The following DYNC2H1 variants were observed in gnomAD, a reference collection of about 807,000 sequenced individuals.
DYNC2H1 encodes the protein dynein cytoplasmic 2 heavy chain 1, also known as cytoplasmic dynein 2 heavy chain 1.
In DYNC2H1, 410 loss-of-function variants were observed where a neutral mutation model predicts 570.0. That is an observed-to-expected ratio of 0.72 (90% CI 0.66 to 0.78). The LOEUF (loss-of-function observed/expected upper bound fraction) is 0.78. Ranked by LOEUF, DYNC2H1 falls within the 30% of genes least tolerant of loss-of-function variation. DYNC2H1 has a pLI of 0.00. For missense variants in DYNC2H1, 4,865 were observed against 5,046.4 expected (o/e 0.96, Z 1.09); for synonymous variants, 1,688 against 1,677.6 (o/e 1.01, Z -0.15).
At chr11:103,424,935 TTTC>T (rs1222976239) in intron 84 of DYNC2H1, among the ~76,000 whole-genome samples, 3 of 152,146 alleles carry the variant, frequency 2.0e-5, no homozygotes, top group Admixed American at 6.6e-5. Context: ...TGAACACAGA[TTTC>T]TTGTTTTGTT....
At chr11:103,436,995 C>T (rs923991414) in intron 85 of DYNC2H1, among the ~76,000 whole-genome samples, 7 of 152,098 alleles carry the variant, frequency 4.6e-5, no homozygotes, top group African/African-American at 1.4e-4. Context: ...GCTACCGAAA[C>T]TTCAGATACA....
rs1468120613 is a variant in DYNC2H1, at chr11:103,253,504, T to G, written c.10206+56T>G. The G allele has an allele frequency of 2.0e-6, 3 of 1,475,730 alleles. No individual in the cohort carries two copies. In the East Asian group the frequency reaches 6.9e-5, roughly 34 times the overall value. The allele number at this position is 1,475,730 out of a possible 1,614,324, so 91.4% of individuals were successfully genotyped here. ...AATCTTTTCGAGCTTTATATACCTA[T>G]TAGACATTGTGAGTGAGAAGCTATT... On this transcript the variant is annotated intron_variant, in intron 66 of 88. Transcript: ENST00000375735.
At chr11:103,137,619 G>C (rs1164642184) in intron 17 of DYNC2H1, among the ~76,000 whole-genome samples, 3 of 152,010 alleles carry the variant, frequency 2.0e-5, no homozygotes, top group Non-Finnish European at 1.5e-5. Context: ...ATGTTGTTTT[G>C]GTTACTGTAG....
intron 84 of DYNC2H1, among the ~76,000 whole-genome samples, chr11:103,416,429 A>G (rs983808898): frequency 6.6e-6 from 1 of 152,240 alleles, no homozygotes; most frequent in African/African-American, 2.4e-5. Context: ...CTGACTTCAA[A>G]CTATACTACA....
In DYNC2H1 at chr11:103,205,071, C is replaced by A; in HGVS notation, c.8454+107C>A. ...GGTTATAACATCACCTTAATTATGG[C>A]ACCAAACATCTCTTATGTTTGGAAA... On this transcript the variant is annotated intron_variant, in intron 52 of 88. Coordinates refer to ENST00000375735, the MANE Select transcript of DYNC2H1 (RefSeq NM_001377.3). The surrounding 1 kb of genome is among the most constrained non-coding windows in gnomAD (Gnocchi z 4.5). 1 of 947,448 alleles carries A rather than the reference C, an allele frequency of 1.1e-6. No individual in the cohort carries two copies. The highest frequency in any genetic ancestry group is 1.5e-6 in the Non-Finnish European group (1 of 654,942). 58.7% of individuals were successfully genotyped at this position (947,448 alleles called of 1,614,324 possible).
chr11:103,373,728 C>T (rs1941275123), intron 83 of DYNC2H1, among the ~76,000 whole-genome samples: 1 of 152,090 alleles, frequency 6.6e-6, no homozygotes, highest in African/African-American at 2.4e-5. Flanking sequence ...CAATCTTAGT[C>T]CAATGGTTTT....
At chr11:103,353,890 C>T (rs1940176834) in intron 82 of DYNC2H1, among the ~76,000 whole-genome samples, 1 of 151,730 alleles carries the variant, frequency 6.6e-6, no homozygotes, top group East Asian at 1.9e-4. Context: ...TTTTAAAAAT[C>T]TCTTTGGGCC....
intron 82 of DYNC2H1, among the ~76,000 whole-genome samples, chr11:103,354,084 G>A (rs1359848987): frequency 2.0e-5 from 3 of 150,880 alleles, no homozygotes; most frequent in African/African-American, 7.3e-5. Flanking sequence ...GGCTGAGGCA[G>A]GAGAATCACT....
chr11:103,479,542 T>C lies in DYNC2H1; in HGVS notation c.*289T>C, dbSNP rs945048366. ...TCAAAAATTTGTTTTAGGTCAGAGA[T>C]TTTAAGTGGTATATTAACCAATAAT... On this transcript the variant is annotated 3_prime_UTR_variant, in exon 89 of 89. Transcript: ENST00000375735. The C allele has an allele frequency of 4.5e-6, 1 of 222,860 alleles. No individual in the cohort carries two copies. Among genetic ancestry groups the C allele is most frequent in the Non-Finnish European group, 8.7e-6 (1 of 114,434 alleles). The allele number at this position is 222,860 out of a possible 1,614,324, so 13.8% of individuals were successfully genotyped here.
At chr11:103,191,978 C>A in intron 46 of DYNC2H1, 119 bp from the exon 47 acceptor site, 1 of 757,234 alleles carries the variant, frequency 1.3e-6, no homozygotes, top group Non-Finnish European at 1.9e-6. Flanking sequence ...TCCTTTCTTC[C>A]ATTTATCTGA....
Position 103,116,662 on chromosome 11 carries a change from A to G in DYNC2H1, c.714A>G (p.Thr238=). The change falls in exon 5 of 89, where the codon ACA becomes ACG. Residue 238 remains threonine (T), a synonymous_variant. Transcript: ENST00000375735. ...QDVVDDVWRQ[T]EHDHYPESRM... is the part of the protein sequence containing the mutation. ...TTGTAGATGATGTGTGGAGACAAAC[A>G]GAACATGATCATTATCCTGAGTCAC... 1.9e-6 allele frequency: 3 copies of G among 1,609,472 alleles called. No individual in the cohort carries two copies. The highest frequency in any genetic ancestry group is 1.7e-6 in the Non-Finnish European group (2 of 1,177,320).
Position 103,239,361 on chromosome 11 carries a change from A to G in DYNC2H1, c.9819+2822A>G, listed in dbSNP as rs572438820. 8.5e-5 allele frequency among the ~76,000 whole-genome samples: 13 copies of G among 152,342 alleles called. No individual in the cohort carries two copies. In the South Asian group the frequency reaches 1.5e-3, roughly 17 times the overall value. On this transcript the variant is annotated intron_variant, in intron 63 of 88. Transcript: ENST00000375735. This position sits in a 1 kb window ranked among gnomAD's most constrained non-coding sequence, Gnocchi z 4.3. Reference sequence around the variant, plus strand: ...TCTCCACATAGGAAAAAGTTTTTCAATCCTTACATAAGTAATAACAATAAT... The same window carrying G: ...TCTCCACATAGGAAAAAGTTTTTCAGTCCTTACATAAGTAATAACAATAAT...
In DYNC2H1 at chr11:103,204,777, C is replaced by G. The variant is rs747329968; in HGVS notation, c.8312-45C>G. On this transcript the variant is annotated intron_variant, in intron 51 of 88. Transcript: ENST00000375735. This position sits in a 1 kb window ranked among gnomAD's most constrained non-coding sequence, Gnocchi z 4.1. ...ATTTTGATCTCTTTAACCCAGACCA[C>G]GTATAGATTGCCTGATTGTATTATT... 3 of 1,508,262 alleles carry G rather than the reference C, an allele frequency of 2.0e-6. No individual in the cohort carries two copies. In the African/African-American group the frequency reaches 4.2e-5, roughly 21 times the overall value. The allele number at this position is 1,508,262 out of a possible 1,614,324, so 93.4% of individuals were successfully genotyped here. A position where few individuals can be genotyped will look rare whatever the true frequency, so the allele number is the denominator to read the frequency against.
chr11:103,187,439 G>C lies in DYNC2H1; in HGVS notation c.6993G>C (p.Leu2331=). ...QTTSRHLLQK[L]SQTCMVISTN... is the part of the protein sequence containing the mutation. ...CTTCTCGACATCTCCTGCAGAAACT[G>C]AGCCAGACTTGCATGGTAATCAGTA... Residue 2331 remains leucine, a synonymous_variant, in exon 43 of 89, where the codon CTG becomes CTC. Coordinates refer to ENST00000375735, the MANE Select transcript of DYNC2H1 (RefSeq NM_001377.3). 7 of 1,613,306 alleles carry C rather than the reference G, an allele frequency of 4.3e-6. No homozygotes were observed. Among genetic ancestry groups the C allele is most frequent in the Non-Finnish European group, 5.9e-6 (7 of 1,179,452 alleles).
chr11:103,312,557 A>AAC (rs1867646538), intron 79 of DYNC2H1, among the ~76,000 whole-genome samples: 1 of 134,076 alleles, frequency 7.5e-6, no homozygotes, highest in Non-Finnish European at 1.6e-5. Flanking sequence ...AAAAAAAAAA[A>AAC]AAAAAAAAAC....
chr11:103,135,644 T>G lies in DYNC2H1; in HGVS notation c.2345+10T>G. 6.2e-7 allele frequency: 1 copy of G among 1,609,752 alleles called. No individual in the cohort carries two copies. The highest frequency in any genetic ancestry group is 2.2e-5 in the East Asian group (1 of 44,846). On this transcript the variant is annotated intron_variant, in intron 16 of 88. Transcript: ENST00000375735. ...TAGACTTAACTTACAAGTAAGATGT[T>G]TTTTCAACCCCAATTTAATGTTCAT...
intron 73 of DYNC2H1, among the ~76,000 whole-genome samples, chr11:103,284,932 G>A (rs1429805203): frequency 6.6e-6 from 1 of 152,106 alleles, no homozygotes; most frequent in African/African-American, 2.4e-5. Flanking sequence ...TGAGGTAGAG[G>A]GATTAATGTG....
In DYNC2H1 at chr11:103,472,776, A is replaced by G. The variant is rs1474998024; in HGVS notation, c.12765+4071A>G. Among the ~76,000 whole-genome samples the G allele has an allele frequency of 3.3e-5, 5 of 152,308 alleles. No individual in the cohort carries two copies. The East Asian group carries it at 9.6e-4, about 29-fold the overall frequency. ...AAAATGGAGGTTTAAAAGATTATGT[A>G]TTATTATATGATAATAATAAAATTC... On this transcript the variant is annotated intron_variant, in intron 88 of 88. Transcript: ENST00000375735. The surrounding 1 kb of genome is among the most constrained non-coding windows in gnomAD (Gnocchi z 4.1).
chr11:103,155,534 C>T (rs1860777694), intron 25 of DYNC2H1, 33 bp downstream of exon 25: 1 of 1,575,790 alleles, frequency 6.3e-7, no homozygotes, highest in African/African-American at 1.4e-5. Flanking sequence ...TCCCATAAGT[C>T]TGGCCTTTTT....
Sources: allele counts gnomAD v4.1 joint callset (sites outside exome capture counted in the v4.1 genomes callset), GRCh38; gene constraint gnomAD v4.1.1; non-coding constraint Gnocchi (gnomAD v3.1); transcripts MANE v1.5; gene names NCBI Gene and HGNC (gene_info 2026-07-23, HGNC 2026-07-21).